Variants in APBA1 observed in about 807,000 individuals in gnomAD.
The protein encoded by APBA1 is amyloid-beta A4 precursor protein-binding family A member 1.
Under a neutral mutation model 86.6 loss-of-function variants are expected in APBA1, and 55 were observed. The observed-to-expected ratio is 0.64, with a 90% CI of 0.51 to 0.80. The LOEUF (loss-of-function observed/expected upper bound fraction) is 0.80. APBA1 is among the 30% of genes least tolerant of loss of function. The pLI is 0.00. For missense variants in APBA1, 1,090 were observed against 1,183.0 expected (o/e 0.92, Z 1.15); for synonymous variants, 511 against 493.9 (o/e 1.03, Z -0.46).
chr9:69,484,516 T>A (rs1181084999), intron 2 of APBA1, among the ~76,000 whole-genome samples: 1 of 152,186 alleles, frequency 6.6e-6, no homozygotes, highest in Non-Finnish European at 1.5e-5. Flanking sequence ...CCTATTTGCA[T>A]GTGCAATTAA....
At chr9:69,654,630 GA>G (rs1223562406) in intron 1 of APBA1, among the ~76,000 whole-genome samples, 1 of 152,160 alleles carries the variant, frequency 6.6e-6, no homozygotes, top group Non-Finnish European at 1.5e-5. Context: ...AACATTTAAA[GA>G]AGAACTAATA....
At chr9:69,521,981 A>T (rs1283527423) in intron 1 of APBA1, among the ~76,000 whole-genome samples, 1 of 151,810 alleles carries the variant, frequency 6.6e-6, no homozygotes, top group South Asian at 2.1e-4. Flanking sequence ...ATAAGGCCCA[A>T]CTAAGCCTCC....
At chr9:69,658,410 T>C (rs1823686261) in intron 1 of APBA1, among the ~76,000 whole-genome samples, 1 of 150,134 alleles carries the variant, frequency 6.7e-6, no homozygotes, top group Non-Finnish European at 1.5e-5. Flanking sequence ...CCCTCTCTCT[T>C]TCTTTCTTTC....
intron 1 of APBA1, among the ~76,000 whole-genome samples, chr9:69,655,284 G>A (rs1823585566): frequency 6.6e-6 from 1 of 151,930 alleles, no homozygotes; most frequent in Non-Finnish European, 1.5e-5. Flanking sequence ...TGGCAGATAT[G>A]AATATATATA....
chr9:69,658,232 CTT>C (rs1380767629), intron 1 of APBA1, among the ~76,000 whole-genome samples: 1 of 15,736 alleles, frequency 6.4e-5, no homozygotes. Flanking sequence ...CTCTTTCTTT[CTT>C]TCTTTCTTTC....
intron 10 of APBA1, among the ~76,000 whole-genome samples, chr9:69,442,351 G>A (rs3793613): frequency 0.068 from 10,427 of 152,240 alleles, 564 homozygotes; most frequent in East Asian, 0.27. Flanking sequence ...TGAGGCAGCG[G>A]GGGTCATAGC....
rs1451727033 is a variant in APBA1, at chr9:69,441,070, G to A, written c.2227C>T (p.Pro743Ser). The A allele has an allele frequency of 1.2e-6, 2 of 1,613,930 alleles. No individual in the cohort carries two copies. Among genetic ancestry groups the A allele is most frequent in the Admixed American group, 1.7e-5 (1 of 59,996 alleles). The stretch of plus-strand genomic sequence containing the variant: ...CTGATTAACACGGTGGTCACCGGAG[G>A]ACATCTCACGATATTCAGCTTGACT... ...SRVKLNIVRCPPVTTVLIRRP... is the reference protein window; with the variant it reads ...SRVKLNIVRCSPVTTVLIRRP... The change falls in exon 11 of 13, where the codon CCT becomes TCT. Residue 743 changes from proline (P) to serine (S), a missense_variant. Transcript: ENST00000265381.
At chr9:69,611,504 A>C (rs1251782050) in intron 1 of APBA1, among the ~76,000 whole-genome samples, 1 of 152,154 alleles carries the variant, frequency 6.6e-6, no homozygotes, top group African/African-American at 2.4e-5. Flanking sequence ...TGAAACTGAA[A>C]AAAGGGGGTG....
rs183591827 is a variant in APBA1, at chr9:69,589,041, G to A, written c.-69-71762C>T. Among the ~76,000 whole-genome samples, 460 of 152,216 alleles carry A rather than the reference G, an allele frequency of 3.0e-3. 3 individuals carry two copies. The highest frequency in any genetic ancestry group is 0.011 in the African/African-American group (438 of 41,536). On this transcript the variant is annotated intron_variant, in intron 1 of 12. Coordinates refer to ENST00000265381, the MANE Select transcript of APBA1 (RefSeq NM_001163.4). ...ACAATCTCAGCTCACTGCAACCTCT[G>A]CCTCCCAGAATCAAGCCATCCTTCC...
chr9:69,461,052 A>T (rs1033532456), intron 5 of APBA1: 8 of 152,318 alleles, frequency 5.3e-5, no homozygotes, highest in African/African-American at 1.9e-4. Flanking sequence ...TTATGAAGTT[A>T]AAAATATTCT....
intron 1 of APBA1, among the ~76,000 whole-genome samples, chr9:69,559,498 T>C (rs1441222187): frequency 6.6e-6 from 1 of 152,224 alleles, no homozygotes; most frequent in African/African-American, 2.4e-5. Flanking sequence ...TGTGTCTGGG[T>C]TCTTTCACTG....
rs1414583480 is a variant in APBA1 at position 69,506,306 on chromosome 9, C to T, written c.1200+9705G>A. Among the ~76,000 whole-genome samples the T allele has an allele frequency of 8.7e-5, 13 of 149,804 alleles. No individual in the cohort carries two copies. In the South Asian group the frequency reaches 1.3e-3, roughly 15 times the overall value. On this transcript the variant is annotated intron_variant, in intron 2 of 12. Transcript: ENST00000265381. ...CTTTCTGAGTCAAAGAAAGGGGTGA[C>T]GGACACACCTGGAAAATCGGGTCAC...
chr9:69,614,546 C>G (rs1822664604), intron 1 of APBA1, among the ~76,000 whole-genome samples: 1 of 152,086 alleles, frequency 6.6e-6, no homozygotes, highest in South Asian at 2.1e-4. Flanking sequence ...AACCAAATTC[C>G]TTGTCAATTG....
chr9:69,665,568 T>C (rs1185520376), intron 1 of APBA1, among the ~76,000 whole-genome samples: 1 of 152,224 alleles, frequency 6.6e-6, no homozygotes, highest in African/African-American at 2.4e-5. Context: ...CCCTTACTAA[T>C]GCAGAGAGTC....
intron 4 of APBA1, among the ~76,000 whole-genome samples, chr9:69,468,175 C>T (rs1588302452): frequency 6.6e-6 from 1 of 152,332 alleles, no homozygotes; most frequent in East Asian, 1.9e-4. Flanking sequence ...TTTTGCTTCT[C>T]TAAAACCATT....
chr9:69,565,682 C>T (rs1046829442), intron 1 of APBA1, among the ~76,000 whole-genome samples: 38 of 152,304 alleles, frequency 2.5e-4, no homozygotes, highest in African/African-American at 7.7e-4. Context: ...TTATTCTCCG[C>T]GTCCAGTCAA....
chr9:69,521,105 T>C lies in APBA1; in HGVS notation c.-69-3826A>G, dbSNP rs60469886. Among the ~76,000 whole-genome samples, 1,221 of 152,306 alleles carry C rather than the reference T, an allele frequency of 8.0e-3. 15 individuals are homozygous for C. The highest frequency in any genetic ancestry group is 0.028 in the African/African-American group (1,157 of 41,546). Reference sequence around the variant, plus strand: ...TGAAGAGTACTGCCATTATCAGCTCTTCTGAAAATGAAGAAACAAGTGATT... The same window carrying C: ...TGAAGAGTACTGCCATTATCAGCTCCTCTGAAAATGAAGAAACAAGTGATT... On this transcript the variant is annotated intron_variant, in intron 1 of 12. Coordinates refer to ENST00000265381, the MANE Select transcript of APBA1 (RefSeq NM_001163.4).
rs1822931820 is a variant in APBA1 at position 69,626,396 on chromosome 9, T to C, written c.-70+45757A>G. ...GTACATTAGGAACTGTTAGTACTTT[T>C]AAAGGATGATATAAAAGCCAACGGG... On this transcript the variant is annotated intron_variant, in intron 1 of 12. Coordinates refer to ENST00000265381, the MANE Select transcript of APBA1 (RefSeq NM_001163.4). Among the ~76,000 whole-genome samples, 3 of 152,166 alleles carry C rather than the reference T, an allele frequency of 2.0e-5. No individual in the cohort carries two copies. The South Asian group carries it at 6.2e-4, about 31-fold the overall frequency.
chr9:69,641,620 T>C (rs751766772), intron 1 of APBA1, among the ~76,000 whole-genome samples: 4 of 152,050 alleles, frequency 2.6e-5, no homozygotes, highest in Admixed American at 6.6e-5. Context: ...TCAACAAAAC[T>C]GTTAAGGTAA....
Sources: gnomAD v4.1 joint callset for allele counts (sites outside exome capture counted in the v4.1 genomes callset) on GRCh38, gnomAD v4.1.1 for gene constraint, MANE v1.5 for transcripts, NCBI Gene and HGNC (gene_info 2026-07-23, HGNC 2026-07-21) for gene names.